Variants in SH3RF3 observed in about 807,000 individuals in gnomAD.
SH3RF3 encodes the protein SH3 domain containing ring finger 3, also known as E3 ubiquitin-protein ligase SH3RF3.
In SH3RF3, 29 loss-of-function variants were observed where a neutral mutation model predicts 66.3. The ratio of observed to expected loss-of-function variants is 0.44; its 90% CI spans 0.33 to 0.60. SH3RF3 has a LOEUF of 0.60. Among genes scored for constraint, SH3RF3 ranks in the 20% least tolerant of loss-of-function variants. SH3RF3 has a pLI of 0.04. For synonymous variants in SH3RF3, 583 were observed against 532.0 expected, an observed-to-expected ratio of 1.10 and a Z score of -1.32; for missense variants, 1,194 against 1,190.9, an observed-to-expected ratio of 1.00 and a Z score of -0.04.
At chr2:109,250,302 T>G (rs559963276) in intron 1 of SH3RF3, among the ~76,000 whole-genome samples, 1 of 151,778 alleles carries the variant, frequency 6.6e-6, no homozygotes, top group Non-Finnish European at 1.5e-5. Flanking sequence ...CATTGCTGGT[T>G]GGACAGAGCC....
intron 1 of SH3RF3, among the ~76,000 whole-genome samples, chr2:109,267,953 C>G (rs1282937839): frequency 6.6e-6 from 1 of 152,012 alleles, no homozygotes; most frequent in East Asian, 2.0e-4. Flanking sequence ...GAGGACAGAG[C>G]ACCCCAGCTC....
chr2:109,434,145 C>A (rs1358767872), intron 6 of SH3RF3, among the ~76,000 whole-genome samples: 6 of 152,230 alleles, frequency 3.9e-5, no homozygotes, highest in African/African-American at 1.4e-4. Flanking sequence ...AAGCACAGGT[C>A]ACCCCTCTAG....
At chr2:109,232,085 C>T (rs868746827) in intron 1 of SH3RF3, among the ~76,000 whole-genome samples, 1 of 152,146 alleles carries the variant, frequency 6.6e-6, no homozygotes, top group Admixed American at 6.5e-5. Context: ...TGAACAATGC[C>T]GCTACAAGTA....
chr2:109,483,041 T>A (rs1678875777), intron 8 of SH3RF3, among the ~76,000 whole-genome samples: 1 of 152,222 alleles, frequency 6.6e-6, no homozygotes, highest in African/African-American at 2.4e-5. Context: ...TCATTGTAGA[T>A]CTTCTATTCC....
rs751279268 is a variant in SH3RF3, at chr2:109,437,096, G to A, written c.1778G>A (p.Arg593Gln). The A allele has an allele frequency of 1.4e-5, 23 of 1,613,240 alleles. No individual in the cohort carries two copies. The highest frequency in any genetic ancestry group is 2.2e-5 in the East Asian group (1 of 44,878). The change falls in exon 7 of 10, where the codon CGG becomes CAG. Residue 593 changes from arginine to glutamine, a missense_variant. By Grantham distance (43) the Arg-to-Gln change is conservative (BLOSUM62 1). Transcript: ENST00000309415. ...TCGCCCCCAACAGGCAGCTGTCTAC[G>A]GCACTCAGCCCAGCCAACGGCCAGC... The part of the protein sequence containing the change: ...TASPPTGSCL[R>Q]HSAQPTASQA...
intron 1 of SH3RF3, among the ~76,000 whole-genome samples, chr2:109,166,629 G>A (rs186927302): frequency 6.6e-6 from 1 of 152,296 alleles, no homozygotes; most frequent in East Asian, 1.9e-4. Context: ...TCCAGTGAGG[G>A]AGTGAAGGGG....
chr2:109,291,188 T>C (rs1402496683), intron 1 of SH3RF3, among the ~76,000 whole-genome samples: 1 of 152,098 alleles, frequency 6.6e-6, no homozygotes, highest in Admixed American at 6.5e-5. Context: ...CCATCTCACA[T>C]GATTCCTTTG....
At chr2:109,430,389 A>G (rs906433747) in intron 5 of SH3RF3, among the ~76,000 whole-genome samples, 2 of 151,534 alleles carry the variant, frequency 1.3e-5, no homozygotes, top group African/African-American at 2.4e-5. Context: ...TCCTCCCTGC[A>G]CTCTTCCTCT....
chr2:109,184,145 C>G (rs1678132452), intron 1 of SH3RF3, among the ~76,000 whole-genome samples: 1 of 152,096 alleles, frequency 6.6e-6, no homozygotes, highest in African/African-American at 2.4e-5. Flanking sequence ...AGGCACTGCC[C>G]CAGTTGCCTT....
Position 109,347,736 on chromosome 2 carries a change from C to T in SH3RF3, c.636C>T (p.Asp212=). 6.2e-7 allele frequency: 1 copy of T among 1,613,938 alleles called. No homozygotes were observed. The highest frequency in any genetic ancestry group is 8.5e-7 in the Non-Finnish European group (1 of 1,179,864). The change falls in exon 2 of 10, where the codon GAC becomes GAT. Residue 212 remains aspartate, a synonymous_variant. Coordinates refer to ENST00000309415, the MANE Select transcript of SH3RF3 (RefSeq NM_001099289.3). The stretch of plus-strand genomic sequence containing the variant: ...GCTACGAGGGGAAGGAACCTGGTGA[C>T]CTCAAGTTCAACAAGGGGGACATCA... ...LYSYEGKEPG[D]LKFNKGDIIV...
chr2:109,486,531 A>G (rs944201207), intron 8 of SH3RF3, among the ~76,000 whole-genome samples: 3 of 152,218 alleles, frequency 2.0e-5, no homozygotes, highest in African/African-American at 7.2e-5. Flanking sequence ...CAGCAACATA[A>G]TCACCAGATA....
intron 3 of SH3RF3, among the ~76,000 whole-genome samples, chr2:109,396,897 T>C (rs1274766188): frequency 6.6e-6 from 1 of 152,260 alleles, no homozygotes; most frequent in Non-Finnish European, 1.5e-5. Flanking sequence ...CCCACCTTCG[T>C]GGATCTCACT....
At chr2:109,261,630 T>TGTTCAG (rs1329417780) in intron 1 of SH3RF3, among the ~76,000 whole-genome samples, 1 of 152,194 alleles carries the variant, frequency 6.6e-6, no homozygotes, top group African/African-American at 2.4e-5. Context: ...TCAGTGTTCA[T>TGTTCAG]TGAGACTCTG....
chr2:109,333,945 C>A (rs1330851043), intron 1 of SH3RF3, among the ~76,000 whole-genome samples: 2 of 152,192 alleles, frequency 1.3e-5, no homozygotes, highest in African/African-American at 4.8e-5. Context: ...ATAATGAGGA[C>A]ATGCTCAGAG....
Position 109,266,101 on chromosome 2 carries a change from T to C in SH3RF3, c.574-81573T>C, listed in dbSNP as rs1027039217. 2.4e-4 allele frequency among the ~76,000 whole-genome samples: 36 copies of C among 152,022 alleles called. 1 individual carries two copies. The highest frequency in any genetic ancestry group is 1.6e-4 in the Non-Finnish European group (11 of 67,952). On this transcript the variant is annotated intron_variant, in intron 1 of 9. Coordinates refer to ENST00000309415, the MANE Select transcript of SH3RF3 (RefSeq NM_001099289.3). ...ATGGTATGTGTGTTGTGCGTGCATG[T>C]GTGTGTTGTGTGTATGTGTATTCAG...
chr2:109,324,831 G>A (rs983524607), intron 1 of SH3RF3, among the ~76,000 whole-genome samples: 9 of 152,278 alleles, frequency 5.9e-5, no homozygotes, highest in Non-Finnish European at 8.8e-5. Flanking sequence ...AGTACTCTCC[G>A]TCCCTCTCCT....
chr2:109,136,607 T>C (rs748473508), intron 1 of SH3RF3, among the ~76,000 whole-genome samples: 2 of 152,212 alleles, frequency 1.3e-5, no homozygotes, highest in Non-Finnish European at 2.9e-5. Context: ...CATTTAGAGC[T>C]GCAGCTCTCC....
intron 1 of SH3RF3, among the ~76,000 whole-genome samples, chr2:109,330,404 C>G (rs1221932755): frequency 1.3e-5 from 2 of 152,086 alleles, no homozygotes; most frequent in Non-Finnish European, 2.9e-5. Context: ...CCAAGACTTT[C>G]ATCCTGTTGA....
intron 7 of SH3RF3, among the ~76,000 whole-genome samples, chr2:109,445,012 A>G (rs1677668120): frequency 6.6e-6 from 1 of 152,214 alleles, no homozygotes; most frequent in South Asian, 2.1e-4. Flanking sequence ...AAAAAGAACC[A>G]ATTTGAAATT....
Sources: allele counts gnomAD v4.1 joint callset (sites outside exome capture counted in the v4.1 genomes callset), GRCh38; gene constraint gnomAD v4.1.1; transcripts MANE v1.5; gene names NCBI Gene and HGNC (gene_info 2026-07-23, HGNC 2026-07-21).